The following LRRTM4 variants were observed in gnomAD, a reference collection of about 807,000 sequenced individuals.
The protein encoded by LRRTM4 is leucine rich repeat transmembrane neuronal 4.
A neutral mutation model predicts 47.6 loss-of-function variants in LRRTM4; 25 were observed. The ratio of observed to expected loss-of-function variants is 0.53; its 90% CI spans 0.38 to 0.73. The LOEUF is 0.73. Ranked by LOEUF, LRRTM4 falls within the 30% of genes least tolerant of loss-of-function variation. The probability of loss-of-function intolerance (pLI) is 0.00; values close to 1 mark genes in which losing one functional copy is unlikely to be tolerated. For synonymous variants in LRRTM4, 311 were observed against 269.5 expected, an observed-to-expected ratio of 1.15 and a Z score of -1.51; for missense variants, 638 against 713.4, an observed-to-expected ratio of 0.89 and a Z score of 1.20.
intron 3 of LRRTM4, among the ~76,000 whole-genome samples, chr2:76,818,640 T>C (rs1282993578): frequency 6.6e-6 from 1 of 151,762 alleles, no homozygotes; most frequent in Non-Finnish European, 1.5e-5. Flanking sequence ...ATTGACCAAT[T>C]GTTTATCCAA....
chr2:76,881,236 C>T (rs1672920170), intron 3 of LRRTM4, among the ~76,000 whole-genome samples: 1 of 152,048 alleles, frequency 6.6e-6, no homozygotes, highest in Non-Finnish European at 1.5e-5. Context: ...AGTATCAGCT[C>T]AAACACAGAA....
intron 3 of LRRTM4, among the ~76,000 whole-genome samples, chr2:76,844,047 G>A (rs768831921): frequency 6.6e-6 from 1 of 151,144 alleles, no homozygotes; most frequent in African/African-American, 2.4e-5. Context: ...AACTACAGGC[G>A]CCCACCAGCA....
chr2:77,100,846 C>CTTATT (rs1670933540), intron 3 of LRRTM4, among the ~76,000 whole-genome samples: 1 of 122,970 alleles, frequency 8.1e-6, no homozygotes, highest in East Asian at 2.3e-4. Flanking sequence ...AGCTCTGATT[C>CTTATT]TTTTTTTTTT....
At chr2:76,975,512 C>T (rs1676389433) in intron 3 of LRRTM4, among the ~76,000 whole-genome samples, 1 of 151,398 alleles carries the variant, frequency 6.6e-6, no homozygotes, top group Non-Finnish European at 1.5e-5. Flanking sequence ...CACGTTCTGG[C>T]AAAATATTAT....
intron 3 of LRRTM4, among the ~76,000 whole-genome samples, chr2:77,082,281 G>A (rs895092264): frequency 6.6e-6 from 1 of 151,786 alleles, no homozygotes; most frequent in Non-Finnish European, 1.5e-5. Flanking sequence ...ATTAATTCAC[G>A]AACAATTTTT....
At chr2:77,032,978 T>C (rs184040450) in intron 3 of LRRTM4, among the ~76,000 whole-genome samples, 12 of 152,178 alleles carry the variant, frequency 7.9e-5, no homozygotes, top group African/African-American at 2.6e-4. Context: ...ACATTTGATA[T>C]TTTATAACTG....
intron 3 of LRRTM4, among the ~76,000 whole-genome samples, chr2:76,875,066 T>C (rs1160806923): frequency 6.6e-6 from 1 of 152,114 alleles, no homozygotes; most frequent in African/African-American, 2.4e-5. Context: ...TTAATGTCTA[T>C]AGATTCTACT....
intron 3 of LRRTM4, among the ~76,000 whole-genome samples, chr2:76,807,401 TATATACGTATATATATATATATAC>T (rs1670524988): frequency 2.0e-5 from 2 of 101,836 alleles, no homozygotes; most frequent in Non-Finnish European, 3.7e-5. Flanking sequence ...TATATATATG[TATATACGTATATATATATATATAC>T]ATATATATAT....
At chr2:77,194,044 T>G (rs1232125684) in intron 3 of LRRTM4, among the ~76,000 whole-genome samples, 1 of 152,316 alleles carries the variant, frequency 6.6e-6, no homozygotes, top group Middle Eastern at 3.4e-3. Flanking sequence ...TATTCAGTTA[T>G]AGTCATCTTT....
chr2:77,318,061 C>T (rs1478464720), intron 3 of LRRTM4, among the ~76,000 whole-genome samples: 1 of 131,664 alleles, frequency 7.6e-6, no homozygotes, highest in Non-Finnish European at 1.5e-5. Flanking sequence ...GGCTGGAGTG[C>T]AGTGGCGCGA....
chr2:77,059,093 G>C (rs1287420830), intron 3 of LRRTM4, among the ~76,000 whole-genome samples: 1 of 151,984 alleles, frequency 6.6e-6, no homozygotes, highest in African/African-American at 2.4e-5. Context: ...AGTCTCCTTT[G>C]TTATCTGCTA....
intron 3 of LRRTM4, among the ~76,000 whole-genome samples, chr2:76,802,839 T>C (rs1426362859): frequency 6.6e-6 from 1 of 152,100 alleles, no homozygotes; most frequent in East Asian, 1.9e-4. Context: ...GACCAAGAAT[T>C]CACGATGGAG....
chr2:77,238,458 G>A (rs1233016050), intron 3 of LRRTM4, among the ~76,000 whole-genome samples: 1 of 151,768 alleles, frequency 6.6e-6, no homozygotes, highest in East Asian at 1.9e-4. Context: ...CAGGCATACC[G>A]TGCCTTCCTA....
chr2:77,222,579 C>T (rs578252186), intron 3 of LRRTM4, among the ~76,000 whole-genome samples: 83 of 152,286 alleles, frequency 5.5e-4, no homozygotes, highest in African/African-American at 1.8e-3. Context: ...CTCTAAACAC[C>T]TCTACAGGAA....
chr2:77,118,844 A>T (rs182247383), intron 3 of LRRTM4, among the ~76,000 whole-genome samples: 2 of 151,986 alleles, frequency 1.3e-5, no homozygotes, highest in Non-Finnish European at 2.9e-5. Flanking sequence ...CAAGTGAAAA[A>T]ATCTTATAAA....
Position 77,519,069 on chromosome 2 carries a change from C to G in LRRTM4, c.800G>C (p.Gly267Ala). The change falls in exon 3 of 4, where the codon GGA becomes GCA. Residue 267 changes from glycine (G) to alanine (A), a missense_variant. Transcript: ENST00000409884. The surrounding 1 kb of genome is among the most constrained non-coding windows in gnomAD (Gnocchi z 4.6). Reference sequence around the variant, plus strand: ...GCATTTAAATGTGCCCGGCTCAATTCCTTGGATGTCATTCCCTGATAAATC... The same window carrying G: ...GCATTTAAATGTGCCCGGCTCAATTGCTTGGATGTCATTCCCTGATAAATC... ...NLDLSGNDIQ[G>A]IEPGTFKCLP... 1 of 1,612,658 alleles carries G rather than the reference C, an allele frequency of 6.2e-7. No individual in the cohort carries two copies. The highest frequency in any genetic ancestry group is 8.5e-7 in the Non-Finnish European group (1 of 1,179,364).
chr2:76,914,888 T>C (rs1674191351), intron 3 of LRRTM4, among the ~76,000 whole-genome samples: 1 of 152,186 alleles, frequency 6.6e-6, no homozygotes, highest in Admixed American at 6.5e-5. Flanking sequence ...ACAGAATAAC[T>C]TGAGTTTACT....
intron 3 of LRRTM4, among the ~76,000 whole-genome samples, chr2:76,974,217 TATATACATAC>T (rs1676334964): frequency 8.2e-6 from 1 of 122,248 alleles, no homozygotes; most frequent in African/African-American, 3.6e-5. Flanking sequence ...TATACACATA[TATATACATAC>T]ATATATATAT....
chr2:77,499,302 G>T (rs1162328073), intron 3 of LRRTM4, among the ~76,000 whole-genome samples: 3 of 151,864 alleles, frequency 2.0e-5, no homozygotes, highest in African/African-American at 7.2e-5. Context: ...CCTAGTTCAG[G>T]AGTTTTGTTT....
Sources: gnomAD v4.1 joint callset for allele counts (sites outside exome capture counted in the v4.1 genomes callset) on GRCh38, gnomAD v4.1.1 for gene constraint, Gnocchi (gnomAD v3.1) non-coding constraint, MANE v1.5 for transcripts, NCBI Gene and HGNC (gene_info 2026-07-23, HGNC 2026-07-21) for gene names.